UBE2E1: variants seen among roughly 807,000 people sequenced by gnomAD.
UBE2E1 encodes ubiquitin conjugating enzyme E2 E1.
UBE2E1 carries 6 observed loss-of-function variants against 21.4 expected under a neutral mutation model. The observed-to-expected ratio is 0.28, with a 90% CI of 0.15 to 0.55. UBE2E1 has a LOEUF of 0.55. UBE2E1 is among the 20% of genes least tolerant of loss of function. The pLI is 0.93. For synonymous variants in UBE2E1, 87 were observed against 82.7 expected (o/e 1.05, Z -0.28); for missense variants, 142 against 236.5 (o/e 0.60, Z 2.62).
At chr3:23,886,566 C>T (rs1337308400) in intron 3 of UBE2E1, among the ~76,000 whole-genome samples, 2 of 152,164 alleles carry the variant, frequency 1.3e-5, no homozygotes, top group Non-Finnish European at 2.9e-5. Context: ...TCTCTCACAC[C>T]AAATTTCAGA....
Position 23,825,073 on chromosome 3 carries a change from T to C in UBE2E1, c.203+13563T>C, listed in dbSNP as rs925982545. 3.9e-5 allele frequency among the ~76,000 whole-genome samples: 6 copies of C among 152,354 alleles called. 1 individual carries two copies. The highest frequency in any genetic ancestry group is 6.5e-5 in the Admixed American group (1 of 15,302). Reference sequence around the variant, plus strand: ...GAATTAATTTTAAAAATATGTAACATACTACACACACATCATTTGCACCAT... The same window carrying C: ...GAATTAATTTTAAAAATATGTAACACACTACACACACATCATTTGCACCAT... On this transcript the variant is annotated intron_variant, in intron 3 of 5. Transcript: ENST00000306627.
chr3:23,818,857 G>C (rs2125285120), intron 3 of UBE2E1, among the ~76,000 whole-genome samples: 1 of 152,276 alleles, frequency 6.6e-6, no homozygotes, highest in East Asian at 1.9e-4. Context: ...GGAGTAGGAG[G>C]AAAGCCACAA....
chr3:23,886,581 A>G (rs1701189237), intron 3 of UBE2E1, among the ~76,000 whole-genome samples: 1 of 152,184 alleles, frequency 6.6e-6, no homozygotes, highest in African/African-American at 2.4e-5. Flanking sequence ...TTCAGACCAA[A>G]AGAAAAACCT....
intron 3 of UBE2E1, among the ~76,000 whole-genome samples, chr3:23,819,127 C>T (rs985455943): frequency 4.0e-5 from 6 of 151,720 alleles, no homozygotes; most frequent in Admixed American, 3.9e-4. Context: ...TATTAAAAAT[C>T]CAAAAAATTA....
intron 3 of UBE2E1, among the ~76,000 whole-genome samples, chr3:23,850,769 G>A (rs1700305418): frequency 6.7e-6 from 1 of 148,670 alleles, no homozygotes; most frequent in African/African-American, 2.5e-5. Context: ...GCAGCCTCAG[G>A]CTCAAGCAGT....
chr3:23,885,500 T>C (rs1429133752), intron 3 of UBE2E1, among the ~76,000 whole-genome samples: 3 of 152,206 alleles, frequency 2.0e-5, no homozygotes, highest in Non-Finnish European at 4.4e-5. Flanking sequence ...TGCCATCAGA[T>C]ATCGTGTAAA....
Position 23,836,562 on chromosome 3 carries a change from G to T in UBE2E1, c.203+25052G>T, listed in dbSNP as rs1279692685. Among the ~76,000 whole-genome samples the T allele has an allele frequency of 1.3e-5, 2 of 152,348 alleles. No homozygotes were observed. The highest frequency in any genetic ancestry group is 3.9e-4 in the East Asian group (2 of 5,186). The stretch of plus-strand genomic sequence containing the variant: ...CAGCTCTTTTGTTCTTTTTCCAAAA[G>T]AGTGACATTGGCTTTTCTTGGAAGT... On this transcript the variant is annotated intron_variant, in intron 3 of 5. Transcript: ENST00000306627. This position sits in a 1 kb window ranked among gnomAD's most constrained non-coding sequence, Gnocchi z 4.1.
intron 3 of UBE2E1, among the ~76,000 whole-genome samples, chr3:23,885,134 T>C (rs983553615): frequency 2.6e-5 from 4 of 152,184 alleles, no homozygotes; most frequent in African/African-American, 9.7e-5. Flanking sequence ...CGTTTCTTGG[T>C]TTCCAGACAA....
intron 3 of UBE2E1, among the ~76,000 whole-genome samples, chr3:23,884,560 A>G (rs1701132653): frequency 6.6e-6 from 1 of 152,134 alleles, no homozygotes; most frequent in Non-Finnish European, 1.5e-5. Flanking sequence ...TACAATCCAT[A>G]AATCTGCATG....
intron 3 of UBE2E1, among the ~76,000 whole-genome samples, chr3:23,884,765 G>C (rs1236023002): frequency 6.6e-6 from 1 of 152,118 alleles, no homozygotes; most frequent in Non-Finnish European, 1.5e-5. Context: ...AATATTGTCA[G>C]TACTGGATTT....
chr3:23,818,544 G>A (rs1336842311), intron 3 of UBE2E1, among the ~76,000 whole-genome samples: 1 of 152,126 alleles, frequency 6.6e-6, no homozygotes, highest in Non-Finnish European at 1.5e-5. Context: ...ACCCTTCACC[G>A]TGATTCCTCA....
chr3:23,882,572 C>T (rs1205063626), intron 3 of UBE2E1, among the ~76,000 whole-genome samples: 4 of 151,988 alleles, frequency 2.6e-5, no homozygotes, highest in East Asian at 2.0e-4. Context: ...CCGGGAGCCG[C>T]GGAGCAGGGG....
intron 3 of UBE2E1, 152 bp downstream of exon 3, chr3:23,811,662 T>C: frequency 1.4e-6 from 1 of 720,082 alleles, no homozygotes; most frequent in Non-Finnish European, 2.3e-6. Context: ...TTAACCTGAG[T>C]ATAATGTTTT....
chr3:23,845,839 G>A (rs1021759622), intron 3 of UBE2E1, among the ~76,000 whole-genome samples: 1 of 152,048 alleles, frequency 6.6e-6, no homozygotes, highest in African/African-American at 2.4e-5. Context: ...CTTTATTACG[G>A]ACACCGATTT....
rs1323677060 is a variant in UBE2E1, at chr3:23,842,804, CAAT to C, written c.203+31300_203+31302del. Among the ~76,000 whole-genome samples, 4 of 152,030 alleles carry C rather than the reference CAAT, an allele frequency of 2.6e-5. No homozygotes were observed. The highest frequency in any genetic ancestry group is 4.4e-5 in the Non-Finnish European group (3 of 67,972). On this transcript the variant is annotated intron_variant, in intron 3 of 5. Transcript: ENST00000306627. This position sits in a 1 kb window ranked among gnomAD's most constrained non-coding sequence, Gnocchi z 4.6. ...ATTGTACAACAGTAAATGGAATAAA[CAAT>C]AATAACTTTGAGTCTTCTGGAATAG...
At position 23,811,171 on chromosome 3, in the gene UBE2E1, T is replaced by TG. The variant is rs539233985; in HGVS notation, c.153-289_153-288insG. 9.2e-5 allele frequency among the ~76,000 whole-genome samples: 14 copies of TG among 152,216 alleles called. 1 individual carries two copies. The South Asian group carries it at 1.7e-3, about 18-fold the overall frequency. On this transcript the variant is annotated intron_variant, in intron 2 of 5. Transcript: ENST00000306627. ...GGTCGGCAAGTGAGAAACTTTAAAA[T>TG]TAGGTCCTACATGGAAAACACCGAG...
chr3:23,874,265 C>G (rs1292550365), intron 3 of UBE2E1, among the ~76,000 whole-genome samples: 2 of 152,182 alleles, frequency 1.3e-5, no homozygotes, highest in African/African-American at 4.8e-5. Context: ...CCTTTTAAAA[C>G]TTTCTTTGTG....
intron 3 of UBE2E1, among the ~76,000 whole-genome samples, chr3:23,832,475 T>G (rs1435619175): frequency 6.6e-6 from 1 of 152,020 alleles, no homozygotes; most frequent in African/African-American, 2.4e-5. Flanking sequence ...CAAAACCCCA[T>G]CTCTACTAAA....
intron 3 of UBE2E1, among the ~76,000 whole-genome samples, chr3:23,841,894 T>A (rs1398289816): frequency 6.6e-6 from 1 of 152,082 alleles, no homozygotes; most frequent in Non-Finnish European, 1.5e-5. Context: ...GGGTAGATGG[T>A]TTAGAGTTCT....
Sources: gnomAD v4.1 joint callset for allele counts (sites outside exome capture counted in the v4.1 genomes callset) on GRCh38, gnomAD v4.1.1 for gene constraint, Gnocchi (gnomAD v3.1) non-coding constraint, MANE v1.5 for transcripts, NCBI Gene and HGNC (gene_info 2026-07-23, HGNC 2026-07-21) for gene names.